Variants in CRBN observed in about 807,000 individuals in gnomAD.
CRBN encodes the protein protein cereblon.
In CRBN, 53 loss-of-function variants were observed where a neutral mutation model predicts 62.2. That is an observed-to-expected ratio of 0.85 (90% CI 0.68 to 1.07). CRBN has a LOEUF of 1.07. CRBN is among the 50% of genes least tolerant of loss of function. The probability of loss-of-function intolerance (pLI) is 0.00; values close to 1 mark genes in which losing one functional copy is unlikely to be tolerated. For missense variants in CRBN, 616 were observed against 531.1 expected (o/e 1.16, Z -1.57); for synonymous variants, 208 against 176.1 (o/e 1.18, Z -1.43).
At chr3:3,177,658 G>A (rs1213994097) in intron 1 of CRBN, among the ~76,000 whole-genome samples, 2 of 152,126 alleles carry the variant, frequency 1.3e-5, no homozygotes, top group Non-Finnish European at 2.9e-5. Flanking sequence ...CTCAAAGGCT[G>A]GAATTAATAT....
At chr3:3,171,537 T>C (rs141559631) in intron 4 of CRBN, among the ~76,000 whole-genome samples, 5 of 152,256 alleles carry the variant, frequency 3.3e-5, no homozygotes, top group African/African-American at 9.6e-5. Flanking sequence ...GACAGTGCAA[T>C]GTGGTAAGGC....
At chr3:3,154,862 G>A (rs1360203820) in intron 6 of CRBN, 31 bp from the exon 7 acceptor site, 1 of 1,218,164 alleles carries the variant, frequency 8.2e-7, no homozygotes, top group South Asian at 1.2e-5. Context: ...CCATAATCAA[G>A]TTCATGGGCT....
At position 3,175,167 on chromosome 3, in the gene CRBN, T is replaced by C; in HGVS notation, c.170A>G (p.His57Arg). 6.3e-7 allele frequency: 1 copy of C among 1,594,526 alleles called. No individual in the cohort carries two copies. The highest frequency in any genetic ancestry group is 1.3e-5 in the African/African-American group (1 of 74,644). The change falls in exon 2 of 11, where the codon CAT (histidine) becomes CGT (arginine). Residue 57 changes from histidine to arginine, a missense_variant. Coordinates refer to ENST00000231948, the MANE Select transcript of CRBN (RefSeq NM_016302.4). ...ATCTGTCACTAAATTACATACTGTATGTGATGTCGGCAGACTGGTGTCAAA... is the reference window on the plus strand; with the variant it reads ...ATCTGTCACTAAATTACATACTGTACGTGATGTCGGCAGACTGGTGTCAAA... Reference protein sequence around the residue: ...INFDTSLPTSHTYLGADMEEF... With the variant: ...INFDTSLPTSRTYLGADMEEF...
intron 5 of CRBN, among the ~76,000 whole-genome samples, chr3:3,161,955 C>T (rs1043326135): frequency 8.5e-5 from 13 of 152,164 alleles, no homozygotes; most frequent in African/African-American, 3.1e-4. Flanking sequence ...GGTACGTATC[C>T]TTCTGTATAA....
chr3:3,166,418 G>A (rs963547298), intron 5 of CRBN, among the ~76,000 whole-genome samples: 25 of 152,084 alleles, frequency 1.6e-4, no homozygotes, highest in African/African-American at 6.0e-4. Flanking sequence ...CTCTTTTTTT[G>A]TAAATTGCTC....
At chr3:3,153,741 T>C (rs1575081097) in intron 8 of CRBN, 1 of 616,312 alleles carries the variant, frequency 1.6e-6, no homozygotes, top group Non-Finnish European at 2.9e-6. Context: ...ACCTTGGATA[T>C]TTCCATGCAG....
At chr3:3,156,647 G>C (rs1427825195) in intron 5 of CRBN, 1 of 235,542 alleles carries the variant, frequency 4.2e-6, no homozygotes, top group African/African-American at 2.3e-5. Context: ...AAAACCTCAA[G>C]ATATAATCCA....
At chr3:3,175,102 G>T (rs1707777657) in intron 2 of CRBN, 61 bp downstream of exon 2, 2 of 1,151,524 alleles carry the variant, frequency 1.7e-6, no homozygotes, top group East Asian at 2.4e-5. Context: ...TTGTTTTTAT[G>T]AACTTTTATC....
In CRBN at chr3:3,150,726, T is replaced by C; in HGVS notation, c.*139A>G. ...TTCAAATACAGTTTCACTTAGAAAC[T>C]GCAACCCTCCAAGTAATGTTATGTT... On this transcript the variant is annotated 3_prime_UTR_variant, in exon 11 of 11. Transcript: ENST00000231948. The C allele has an allele frequency of 1.2e-6, 1 of 852,540 alleles. No individual in the cohort carries two copies. 52.8% of individuals were successfully genotyped at this position (852,540 alleles called of 1,614,324 possible).
At chr3:3,163,181 T>G (rs937184861) in intron 5 of CRBN, among the ~76,000 whole-genome samples, 1 of 152,200 alleles carries the variant, frequency 6.6e-6, no homozygotes, top group African/African-American at 2.4e-5. Flanking sequence ...ATTCCAAATT[T>G]CAGAACCTAA....
chr3:3,174,313 T>C (rs1707744154), intron 2 of CRBN, 52 bp from the exon 3 acceptor site: 2 of 1,395,506 alleles, frequency 1.4e-6, no homozygotes, highest in African/African-American at 2.8e-5. Context: ...GTAATAAAAA[T>C]GTAAGCTCAA....
chr3:3,152,511 C>A lies in CRBN; in HGVS notation c.1093G>T (p.Ala365Ser). 1 of 1,613,990 alleles carries A rather than the reference C, an allele frequency of 6.2e-7. No individual in the cohort carries two copies. The change falls in exon 10 of 11, where the codon GCT (alanine) becomes TCT (serine). Residue 365 changes from alanine (A) to serine (S), a missense_variant. Ala to Ser is a moderately conservative substitution (Grantham distance 99). Transcript: ENST00000231948. ...YVHETLTVYK[A>S]CNLNLIGRPS... ...CGGCCTATCAGATTCAAGTTGCAAG[C>A]CTTATACACAGTAAGTGTCTCATGC...
chr3:3,151,070 G>C (rs1425085185), intron 10 of CRBN, 25 bp from the exon 11 acceptor site: 1 of 1,611,946 alleles, frequency 6.2e-7, no homozygotes, highest in Non-Finnish European at 8.5e-7. Context: ...AAAGATATCA[G>C]CTAAGGAAAC....
Position 3,174,808 on chromosome 3 carries a change from TAC to T in CRBN, c.174+353_174+354del, listed in dbSNP as rs1276917103. Among the ~76,000 whole-genome samples, 8 of 152,340 alleles carry T rather than the reference TAC, an allele frequency of 5.3e-5. 1 individual carries two copies. The South Asian group carries it at 1.4e-3, about 28-fold the overall frequency. On this transcript the variant is annotated intron_variant, in intron 2 of 10. Transcript: ENST00000231948. ...CACAGAAATTCAAGAATTTTTTTAG[TAC>T]AAAGTATTATTTTTACCAAGAAATA...
intron 1 of CRBN, among the ~76,000 whole-genome samples, chr3:3,179,267 G>A (rs971165664): frequency 6.6e-6 from 1 of 152,212 alleles, no homozygotes; most frequent in Non-Finnish European, 1.5e-5. Flanking sequence ...TTAAAAGGAA[G>A]GAGACCAGCA....
intron 7 of CRBN, 127 bp downstream of exon 7, chr3:3,154,620 C>G (rs1706800267): frequency 3.0e-6 from 2 of 669,708 alleles, no homozygotes; most frequent in Non-Finnish European, 5.4e-6. Context: ...GGAAATTATG[C>G]TTTTCAGAAT....
intron 6 of CRBN, 116 bp downstream of exon 6, chr3:3,156,103 G>A (rs182827878): frequency 1.2e-5 from 11 of 887,566 alleles, no homozygotes; most frequent in South Asian, 5.6e-5. Context: ...CACTCTTAAC[G>A]ATATCTTAAG....
Position 3,154,843 on chromosome 3 carries a change from T to C in CRBN, c.751-12A>G. On this transcript the variant is annotated splice_polypyrimidine_tract_variant and intron_variant, in intron 6 of 10. Transcript: ENST00000231948. ...TCCATTAAGGTCTCCTTGTTTAAAA[T>C]AAAGGTAGCCATAATCAAGTTCATG... is the stretch of plus-strand genomic sequence containing the variant. 2 of 1,489,070 alleles carry C rather than the reference T, an allele frequency of 1.3e-6. No individual in the cohort carries two copies. The highest frequency in any genetic ancestry group is 1.9e-6 in the Non-Finnish European group (2 of 1,066,416). 92.2% of individuals were successfully genotyped at this position (1,489,070 alleles called of 1,614,324 possible).
At chr3:3,174,752 A>T (rs1707762225) in intron 2 of CRBN, among the ~76,000 whole-genome samples, 1 of 152,260 alleles carries the variant, frequency 6.6e-6, no homozygotes, top group African/African-American at 2.4e-5. Context: ...CTCTTAGAAG[A>T]ATTTCTAATC....
Sources: gnomAD v4.1 joint callset for allele counts (sites outside exome capture counted in the v4.1 genomes callset) on GRCh38, gnomAD v4.1.1 for gene constraint, MANE v1.5 for transcripts, NCBI Gene and HGNC (gene_info 2026-07-23, HGNC 2026-07-21) for gene names.